Variants in CLCA2 observed in about 807,000 individuals in gnomAD.
CLCA2 encodes chloride channel accessory 2.
Under a neutral mutation model 82.9 loss-of-function variants are expected in CLCA2, and 85 were observed. The observed-to-expected ratio is 1.03, with a 90% CI of 0.86 to 1.23. CLCA2 has a LOEUF of 1.23. Among genes scored for constraint, CLCA2 ranks in the 50% most tolerant of loss-of-function variants. CLCA2 has a pLI of 0.00. For synonymous variants in CLCA2, 421 were observed against 391.7 expected (o/e 1.07, Z -0.88); for missense variants, 1,089 against 1,124.8 (o/e 0.97, Z 0.45).
Position 86,424,202 on chromosome 1 carries a change from G to A in CLCA2, c.-46G>A. The A allele has an allele frequency of 6.5e-7, 1 of 1,549,508 alleles. No individual in the cohort carries two copies. The highest frequency in any genetic ancestry group is 1.4e-5 in the African/African-American group (1 of 72,470). On this transcript the variant is annotated 5_prime_UTR_variant, in exon 1 of 14. The change abolishes an upstream ATG in the 5' untranslated region. Transcript: ENST00000370565. ...ATCCATATTGAAAACCTGACACAAT[G>A]TATGCAGCAGGCTCAGTGTGAGTGA...
chr1:86,453,536 G>A lies in CLCA2; in HGVS notation c.2323G>A (p.Val775Ile). 3 of 1,614,190 alleles carry A rather than the reference G, an allele frequency of 1.9e-6. No homozygotes were observed. Among genetic ancestry groups the A allele is most frequent in the Non-Finnish European group, 2.5e-6 (3 of 1,180,034 alleles). Residue 775 changes from valine to isoleucine, a missense_variant, in exon 13 of 14, where the codon GTA (valine) becomes ATA (isoleucine). Coordinates refer to ENST00000370565, the MANE Select transcript of CLCA2 (RefSeq NM_006536.7). ...ATGCAAAATTATTGACCTGGAAGCTGTAAAAGTAGAAGAGGAATTGACCCT... is the reference window on the plus strand; with the variant it reads ...ATGCAAAATTATTGACCTGGAAGCTATAAAAGTAGAAGAGGAATTGACCCT... Reference protein sequence around the residue: ...PPCKIIDLEAVKVEEELTLSW... With the variant: ...PPCKIIDLEAIKVEEELTLSW...
intron 8 of CLCA2, 107 bp downstream of exon 8, chr1:86,440,432 T>A: frequency 9.5e-7 from 1 of 1,057,386 alleles, no homozygotes; most frequent in Non-Finnish European, 1.3e-6. Context: ...ATACAGAAAT[T>A]GTTTTTAAAA....
At chr1:86,446,589 T>G in intron 10 of CLCA2, among the ~76,000 whole-genome samples, 1 of 152,196 alleles carries the variant, frequency 6.6e-6, no homozygotes, top group East Asian at 1.9e-4. Context: ...AATCATAACT[T>G]AATGGAAAAT....
At position 86,455,234 on chromosome 1, in the gene CLCA2, G is replaced by A. The variant is rs1365735717; in HGVS notation, c.2539G>A (p.Gly847Arg). 1 of 1,614,088 alleles carries A rather than the reference G, an allele frequency of 6.2e-7. No individual in the cohort carries two copies. Among genetic ancestry groups the A allele is most frequent in the South Asian group, 1.1e-5 (1 of 91,072 alleles). ...GTTCTCACCCCAAATTTCCACGAAT[G>A]GACCTGAACATCAGCCAAATGGAGA... ...FTFSPQISTNGPEHQPNGETH... is the reference protein window; with the variant it reads ...FTFSPQISTNRPEHQPNGETH... The change falls in exon 14 of 14, where the codon GGA (glycine) becomes AGA (arginine). Residue 847 changes from glycine (G) to arginine (R), a missense_variant. By Grantham distance (125) the Gly-to-Arg change is moderately radical. Transcript: ENST00000370565.
chr1:86,450,830 A>C, intron 12 of CLCA2, 97 bp downstream of exon 12: 1 of 1,120,354 alleles, frequency 8.9e-7, no homozygotes, highest in Non-Finnish European at 1.2e-6. Flanking sequence ...TGAGAGAAAG[A>C]GAGAATTTCA....
chr1:86,425,611 C>A, intron 2 of CLCA2, 135 bp downstream of exon 2: 2 of 606,452 alleles, frequency 3.3e-6, no homozygotes, highest in Non-Finnish European at 4.9e-6. Flanking sequence ...TATTAATGGG[C>A]AGAATGTTAT....
chr1:86,443,958 A>G lies in CLCA2; in HGVS notation c.1660A>G (p.Ile554Val), dbSNP rs762469513. ...ACGAAAATACTACACAAATAATTTTATCACCAATCTAACTTTTCGGACAGC... is the reference window on the plus strand; with the variant it reads ...ACGAAAATACTACACAAATAATTTTGTCACCAATCTAACTTTTCGGACAGC... ...DGRKYYTNNF[I>V]TNLTFRTASL... Residue 554 changes from isoleucine to valine, a missense_variant, in exon 10 of 14, where the codon ATC (isoleucine) becomes GTC (valine). Transcript: ENST00000370565. 8.7e-6 allele frequency: 14 copies of G among 1,613,728 alleles called. No individual in the cohort carries two copies. In the East Asian group the frequency reaches 3.1e-4, roughly 36 times the overall value.
intron 8 of CLCA2, among the ~76,000 whole-genome samples, chr1:86,440,793 C>A (rs975497831): frequency 4.0e-5 from 6 of 151,872 alleles, no homozygotes; most frequent in African/African-American, 1.5e-4. Context: ...CCCAGCTACT[C>A]GGGAGGCTGA....
chr1:86,435,648 C>T (rs1007857215), intron 6 of CLCA2, among the ~76,000 whole-genome samples: 1 of 152,184 alleles, frequency 6.6e-6, no homozygotes, highest in Non-Finnish European at 1.5e-5. Context: ...GCAGCTTTCT[C>T]ACCTGTAAGA....
chr1:86,438,826 T>G, intron 6 of CLCA2, 50 bp from the exon 7 acceptor site: 1 of 1,485,884 alleles, frequency 6.7e-7, no homozygotes, highest in Non-Finnish European at 9.4e-7. Flanking sequence ...ATCATACTTT[T>G]GTCTACTAAC....
Position 86,455,466 on chromosome 1 carries a change from A to G in CLCA2, c.2771A>G (p.His924Arg), listed in dbSNP as rs200707674. 2.3e-5 allele frequency: 35 copies of G among 1,540,824 alleles called. No individual in the cohort carries two copies. In the East Asian group the frequency reaches 7.1e-4, roughly 31 times the overall value. ...ATTTGCCTTATTATAGTTGTGACACATCATACTTTAAGCAGGAAAAAGAGA... is the reference window on the plus strand; with the variant it reads ...ATTTGCCTTATTATAGTTGTGACACGTCATACTTTAAGCAGGAAAAAGAGA... ...GIICLIIVVT[H>R]HTLSRKKRAD... Residue 924 changes from histidine (H) to arginine (R), a missense_variant, in exon 14 of 14, where the codon CAT becomes CGT. Physicochemically the swap from His to Arg is conservative, Grantham distance 29. Coordinates refer to ENST00000370565, the MANE Select transcript of CLCA2 (RefSeq NM_006536.7).
In CLCA2 at chr1:86,453,273, A is replaced by T. The variant is rs928815932; in HGVS notation, c.2156-96A>T. ...CAGTTATTCTAGAGATGTAGTAAAG[A>T]AAAAAAGGTTTAAGAAAGTCTCACT... On this transcript the variant is annotated intron_variant, in intron 12 of 13. Transcript: ENST00000370565. The T allele has an allele frequency of 2.1e-5, 17 of 817,600 alleles. No individual in the cohort carries two copies. The Admixed American group carries it at 4.1e-4, about 20-fold the overall frequency. 50.6% of individuals were successfully genotyped at this position (817,600 alleles called of 1,614,324 possible). A position where few individuals can be genotyped will look rare whatever the true frequency, so the allele number is the denominator to read the frequency against.
rs112077119 is a variant in CLCA2, at chr1:86,428,326, G to A, written c.325-92G>A. 1.1e-5 allele frequency: 13 copies of A among 1,205,478 alleles called. No homozygotes were observed. In the African/African-American group the frequency reaches 1.1e-4, roughly 10 times the overall value. The allele number at this position is 1,205,478 out of a possible 1,614,324, so 74.7% of individuals were successfully genotyped here. On this transcript the variant is annotated intron_variant, in intron 2 of 13. Coordinates refer to ENST00000370565, the MANE Select transcript of CLCA2 (RefSeq NM_006536.7). ...ATACAATAAAATGCACACATCTTAA[G>A]TGTACAGTTCAAAGTGCTTTAATGA...
chr1:86,440,362 T>A, intron 8 of CLCA2, 37 bp downstream of exon 8: 3 of 1,566,006 alleles, frequency 1.9e-6, no homozygotes, highest in Admixed American at 1.8e-5. Context: ...TTGGAGCATG[T>A]CCCTTTAACT....
intron 12 of CLCA2, 46 bp downstream of exon 12, chr1:86,450,779 C>T: frequency 6.7e-7 from 1 of 1,502,812 alleles, no homozygotes; most frequent in East Asian, 2.3e-5. Context: ...ATTTCATGTA[C>T]ATATCTCTGA....
intron 9 of CLCA2, 151 bp from the exon 10 acceptor site, chr1:86,443,636 T>G: frequency 3.3e-6 from 2 of 610,336 alleles, no homozygotes; most frequent in Non-Finnish European, 5.5e-6. Flanking sequence ...CTTTGCAAAG[T>G]ATTTTTTATG....
Position 86,424,301 on chromosome 1 carries a change from C to G in CLCA2, c.54C>G (p.Leu18=). The G allele has an allele frequency of 1.2e-6, 2 of 1,613,950 alleles. No homozygotes were observed. The highest frequency in any genetic ancestry group is 1.7e-6 in the Non-Finnish European group (2 of 1,179,912). The change falls in exon 1 of 14, where the codon CTC becomes CTG. Residue 18 remains leucine (L), a synonymous_variant. Coordinates refer to ENST00000370565, the MANE Select transcript of CLCA2 (RefSeq NM_006536.7). The stretch of plus-strand genomic sequence containing the variant: ...TTTGCAACCTGAAGTTTGTGACTCT[C>G]CTGGTTGCCTTAAGTTCAGAACTCC... ...GPICNLKFVT[L]LVALSSELPF...
chr1:86,438,414 C>G (rs972152670), intron 6 of CLCA2, among the ~76,000 whole-genome samples: 1 of 152,118 alleles, frequency 6.6e-6, no homozygotes, highest in South Asian at 2.1e-4. Flanking sequence ...GATGAAGTAC[C>G]CAGCCTAAGG....
In CLCA2 at chr1:86,453,558, C is replaced by T. The variant is rs547012817; in HGVS notation, c.2345C>T (p.Thr782Ile). 1.9e-5 allele frequency: 31 copies of T among 1,613,972 alleles called. No individual in the cohort carries two copies. The highest frequency in any genetic ancestry group is 2.5e-5 in the Non-Finnish European group (30 of 1,180,014). ...LEAVKVEEEL[T>I]LSWTAPGEDF... Reference sequence around the variant, plus strand: ...GCTGTAAAAGTAGAAGAGGAATTGACCCTATCTTGGACAGCACCTGGAGAA... The same window carrying T: ...GCTGTAAAAGTAGAAGAGGAATTGATCCTATCTTGGACAGCACCTGGAGAA... The change falls in exon 13 of 14, where the codon ACC becomes ATC. Residue 782 changes from threonine to isoleucine, a missense_variant. Physicochemically the swap from Thr to Ile is moderately conservative, Grantham distance 89. Coordinates refer to ENST00000370565, the MANE Select transcript of CLCA2 (RefSeq NM_006536.7).
Sources: allele counts gnomAD v4.1 joint callset (sites outside exome capture counted in the v4.1 genomes callset), GRCh38; gene constraint gnomAD v4.1.1; transcripts MANE v1.5; gene names NCBI Gene and HGNC (gene_info 2026-07-23, HGNC 2026-07-21).